The following TEX14 variants were observed in gnomAD, a reference collection of about 807,000 sequenced individuals.
TEX14 encodes inactive serine/threonine-protein kinase TEX14.
In TEX14, 168 loss-of-function variants were observed where a neutral mutation model predicts 178.6. That is an observed-to-expected ratio of 0.94 (90% CI 0.83 to 1.07). The LOEUF (loss-of-function observed/expected upper bound fraction) is 1.07. TEX14 is among the 50% of genes least tolerant of loss of function. TEX14 has a pLI of 0.00. For missense variants in TEX14, 1,730 were observed against 1,753.6 expected, an observed-to-expected ratio of 0.99 and a Z score of 0.24; for synonymous variants, 626 against 634.1, an observed-to-expected ratio of 0.99 and a Z score of 0.19.
chr17:58,606,004 C>T (rs1213722336), intron 10 of TEX14, among the ~76,000 whole-genome samples: 1 of 152,178 alleles, frequency 6.6e-6, no homozygotes, highest in East Asian at 1.9e-4. Context: ...CCCTCTCAAC[C>T]CCCATCTGCT....
At chr17:58,630,845 A>T (rs2046271003) in intron 2 of TEX14, among the ~76,000 whole-genome samples, 1 of 152,294 alleles carries the variant, frequency 6.6e-6, no homozygotes, top group East Asian at 1.9e-4. Flanking sequence ...ATGGGAAAGG[A>T]TGAGGGAGGG....
chr17:58,659,081 T>C (rs570897647), intron 1 of TEX14, among the ~76,000 whole-genome samples: 3 of 113,066 alleles, frequency 2.7e-5, no homozygotes, highest in African/African-American at 9.3e-5. Flanking sequence ...CGCGCGCCAC[T>C]ACAACAACTC....
chr17:58,608,905 A>G (rs575993454), intron 10 of TEX14, among the ~76,000 whole-genome samples: 3 of 152,334 alleles, frequency 2.0e-5, no homozygotes, highest in South Asian at 2.1e-4. Flanking sequence ...TGACACTACA[A>G]GTGGAGCCTC....
intron 20 of TEX14, 30 bp from the exon 21 acceptor site, chr17:58,577,486 TA>T (rs747905765): frequency 7.8e-5 from 68 of 876,948 alleles, no homozygotes; most frequent in East Asian, 3.6e-4. Context: ...AATATATATA[TA>T]TATTTTTTTT....
At chr17:58,581,613 C>T (rs750835453) in intron 19 of TEX14, 9 of 1,613,472 alleles carry the variant, frequency 5.6e-6, no homozygotes, top group Non-Finnish European at 7.6e-6. Flanking sequence ...TTTTTTACCT[C>T]TAGAGCTAAG....
chr17:58,563,689 AGAGAGAGAGAGAGC>A (rs201703062), intron 28 of TEX14, among the ~76,000 whole-genome samples: 11,367 of 71,418 alleles, frequency 0.16, 1,196 homozygotes, highest in East Asian at 0.24. Context: ...AGAGAGAGAG[AGAGAGAGAGAGAGC>A]GCAAGATCAT....
At position 58,599,572 on chromosome 17, in the gene TEX14, A is replaced by G. The variant is rs1454822006; in HGVS notation, c.1773T>C (p.Thr591=). The change falls in exon 14 of 32, where the codon ACT becomes ACC. Residue 591 remains threonine, a synonymous_variant. Coordinates refer to ENST00000349033, the MANE Select transcript of TEX14 (RefSeq NM_031272.5). ...APDPCLMARE[T]QNQDAPCPAP... The stretch of plus-strand genomic sequence containing the variant: ...CAGGGCAAGGAGCATCTTGATTCTG[A>G]GTCTCCCTGGCCATCAGACATGGAT... The G allele has an allele frequency of 6.2e-7, 1 of 1,613,964 alleles. No homozygotes were observed.
intron 14 of TEX14, among the ~76,000 whole-genome samples, chr17:58,595,343 G>A (rs1471790768): frequency 6.6e-6 from 1 of 152,160 alleles, no homozygotes. Flanking sequence ...TATATCCTAT[G>A]TACTAGTAGA....
At chr17:58,637,176 G>A (rs546905786) in intron 2 of TEX14, among the ~76,000 whole-genome samples, 6 of 152,098 alleles carry the variant, frequency 3.9e-5, no homozygotes, top group African/African-American at 1.2e-4. Flanking sequence ...TGCAGTGAGC[G>A]TGCCATTGCA....
intron 8 of TEX14, among the ~76,000 whole-genome samples, chr17:58,614,673 G>C (rs1477442488): frequency 6.6e-6 from 1 of 152,188 alleles, no homozygotes; most frequent in Non-Finnish European, 1.5e-5. Flanking sequence ...TGCAGAAGTT[G>C]AGGAGCCTTC....
At chr17:58,584,031 C>T (rs1267436813) in intron 19 of TEX14, among the ~76,000 whole-genome samples, 1 of 152,172 alleles carries the variant, frequency 6.6e-6, no homozygotes, top group African/African-American at 2.4e-5. Flanking sequence ...AGTGGAAACG[C>T]ATATAGATCC....
chr17:58,587,360 C>T (rs1185448322), intron 17 of TEX14, among the ~76,000 whole-genome samples: 3 of 151,514 alleles, frequency 2.0e-5, no homozygotes, highest in Non-Finnish European at 2.9e-5. Context: ...GAAATATTTC[C>T]TATAAAGTCT....
At chr17:58,631,700 T>A (rs1034848623) in intron 2 of TEX14, 3 of 151,334 alleles carry the variant, frequency 2.0e-5, no homozygotes, top group South Asian at 4.2e-4. Flanking sequence ...GCAGTTAGAA[T>A]AACGCAACAC....
intron 1 of TEX14, among the ~76,000 whole-genome samples, chr17:58,668,025 A>G (rs957237715): frequency 6.6e-6 from 1 of 152,120 alleles, no homozygotes; most frequent in Non-Finnish European, 1.5e-5. Context: ...CTGCTAAGTC[A>G]ATTTAGCTGA....
rs963595154 is a variant in TEX14, at chr17:58,689,866, C to A, written c.-2+2073G>T. ...CAGAAGATTTTTTTTTTTTTTTTTTCTGAGATGGAGTCTCGCTCTGTCGCC... is the reference window on the plus strand; with the variant it reads ...CAGAAGATTTTTTTTTTTTTTTTTTATGAGATGGAGTCTCGCTCTGTCGCC... On this transcript the variant is annotated intron_variant, in intron 1 of 31. Coordinates refer to ENST00000349033, the MANE Select transcript of TEX14 (RefSeq NM_031272.5). 5.2e-5 allele frequency among the ~76,000 whole-genome samples: 5 copies of A among 96,856 alleles called. No homozygotes were observed. The Admixed American group carries it at 5.5e-4, about 11-fold the overall frequency. The allele number at this position is 96,856 out of a possible 152,430, so 63.5% of individuals were successfully genotyped here.
At chr17:58,579,801 T>C in intron 19 of TEX14, 70 bp from the exon 20 acceptor site, 2 of 1,202,782 alleles carry the variant, frequency 1.7e-6, no homozygotes, top group Non-Finnish European at 2.4e-6. Context: ...AGGTCAATAA[T>C]TTCTTGATGT....
chr17:58,563,811 G>GACACAC (rs113071230), intron 28 of TEX14, among the ~76,000 whole-genome samples: 4 of 138,158 alleles, frequency 2.9e-5, no homozygotes, highest in South Asian at 4.7e-4. Context: ...CACACACACA[G>GACACAC]ACACACACAC....
At chr17:58,606,980 G>A (rs972072487) in intron 10 of TEX14, among the ~76,000 whole-genome samples, 6 of 134,744 alleles carry the variant, frequency 4.5e-5, no homozygotes, top group African/African-American at 8.7e-5. Context: ...AGCCGAGATC[G>A]CACCACTGCA....
rs1235945435 is a variant in TEX14, at chr17:58,559,500, G to A, written c.4220C>T (p.Thr1407Ile). 1.3e-6 allele frequency: 2 copies of A among 1,572,162 alleles called. No homozygotes were observed. The highest frequency in any genetic ancestry group is 2.2e-5 in the East Asian group (1 of 44,560). ...EEKRKREDSITPERRKSEGVL... is the reference protein window; with the variant it reads ...EEKRKREDSIIPERRKSEGVL... The stretch of plus-strand genomic sequence containing the variant: ...ACCCTCTGATTTCCTTCTTTCTGGT[G>A]TAATGCTATCTTCCCTTTTTCTTTT... Residue 1407 changes from threonine to isoleucine, a missense_variant, in exon 30 of 32, where the codon ACA (threonine) becomes ATA (isoleucine). Coordinates refer to ENST00000349033, the MANE Select transcript of TEX14 (RefSeq NM_031272.5).
Sources: allele counts gnomAD v4.1 joint callset (sites outside exome capture counted in the v4.1 genomes callset), GRCh38; gene constraint gnomAD v4.1.1; transcripts MANE v1.5; gene names NCBI Gene and HGNC (gene_info 2026-07-23, HGNC 2026-07-21).